TTC28: variants seen among roughly 807,000 people sequenced by gnomAD.
TTC28 encodes the protein tetratricopeptide repeat protein 28.
A neutral mutation model predicts 198.0 loss-of-function variants in TTC28; 61 were observed. The observed-to-expected ratio is 0.31, with a 90% CI of 0.25 to 0.38. The LOEUF is 0.38. TTC28 is among the 10% of genes least tolerant of loss of function. TTC28 has a pLI of 1.00. For missense variants in TTC28, 2,678 were observed against 3,164.0 expected, an observed-to-expected ratio of 0.85 and a Z score of 3.69; for synonymous variants, 1,171 against 1,297.8, an observed-to-expected ratio of 0.90 and a Z score of 2.10.
intron 12 of TTC28, among the ~76,000 whole-genome samples, chr22:28,061,075 T>A (rs1415202886): frequency 6.6e-6 from 1 of 152,208 alleles, no homozygotes; most frequent in Non-Finnish European, 1.5e-5. Flanking sequence ...TTGTTTGATT[T>A]TTTTCTTGTA....
chr22:28,291,562 T>C (rs765274458), intron 5 of TTC28, among the ~76,000 whole-genome samples: 16 of 152,218 alleles, frequency 1.1e-4, no homozygotes, highest in Non-Finnish European at 2.1e-4. Flanking sequence ...TAATGCCCAG[T>C]GTTGGCCAAG....
At chr22:28,128,221 G>C (rs1942964176) in intron 6 of TTC28, among the ~76,000 whole-genome samples, 1 of 152,082 alleles carries the variant, frequency 6.6e-6, no homozygotes, top group Non-Finnish European at 1.5e-5. Flanking sequence ...GGGAAGCTGA[G>C]GCAGGAAAAT....
intron 2 of TTC28, among the ~76,000 whole-genome samples, chr22:28,532,480 A>C (rs2049161766): frequency 6.6e-6 from 1 of 152,236 alleles, no homozygotes; most frequent in Non-Finnish European, 1.5e-5. Flanking sequence ...CCAGTGGTAC[A>C]AAGAGGAGCT....
intron 1 of TTC28, among the ~76,000 whole-genome samples, chr22:28,646,898 A>C (rs1197298688): frequency 6.6e-6 from 1 of 152,136 alleles, no homozygotes; most frequent in Non-Finnish European, 1.5e-5. Flanking sequence ...GAAAGAAATC[A>C]AATCAAAAGA....
intron 2 of TTC28, among the ~76,000 whole-genome samples, chr22:28,319,805 A>C (rs567667019): frequency 1.9e-4 from 29 of 152,354 alleles, no homozygotes; most frequent in African/African-American, 5.5e-4. Context: ...GATAGCCAGA[A>C]AGATCAAAAG....
At chr22:28,053,640 C>T (rs1022659130) in intron 12 of TTC28, among the ~76,000 whole-genome samples, 1 of 152,178 alleles carries the variant, frequency 6.6e-6, no homozygotes, top group Non-Finnish European at 1.5e-5. Context: ...CTGAACTGTA[C>T]CCTTTCCTTG....
At chr22:28,463,549 G>A (rs1049578789) in intron 2 of TTC28, among the ~76,000 whole-genome samples, 73 of 152,254 alleles carry the variant, frequency 4.8e-4, no homozygotes, top group African/African-American at 1.7e-3. Context: ...TTAAGAAAAT[G>A]TGGCATATAT....
chr22:28,283,244 A>C (rs973834085), intron 5 of TTC28, among the ~76,000 whole-genome samples: 6 of 152,086 alleles, frequency 3.9e-5, no homozygotes, highest in Non-Finnish European at 8.8e-5. Flanking sequence ...CTCTGCTAAA[A>C]TGTAATGCTT....
chr22:28,519,912 G>A (rs917319188), intron 2 of TTC28, among the ~76,000 whole-genome samples: 19 of 152,200 alleles, frequency 1.2e-4, no homozygotes, highest in Admixed American at 9.8e-4. Context: ...AGTGTTGACA[G>A]TTAAAGCAAA....
At chr22:28,433,298 T>C (rs1197265216) in intron 2 of TTC28, among the ~76,000 whole-genome samples, 1 of 152,204 alleles carries the variant, frequency 6.6e-6, no homozygotes, top group Non-Finnish European at 1.5e-5. Context: ...AGACTTTTCT[T>C]ATAAACAAAC....
chr22:28,573,464 AAAT>A (rs982905585), intron 2 of TTC28, among the ~76,000 whole-genome samples: 15 of 151,926 alleles, frequency 9.9e-5, no homozygotes, highest in East Asian at 1.9e-4. Context: ...AAAAAATAAA[AAAT>A]AATAATAATA....
At chr22:28,086,262 A>T (rs1287290939) in intron 12 of TTC28, among the ~76,000 whole-genome samples, 2 of 152,168 alleles carry the variant, frequency 1.3e-5, no homozygotes, top group Non-Finnish European at 2.9e-5. Flanking sequence ...CATACTTGGA[A>T]GTAAAGCTCT....
chr22:28,227,053 T>C (rs1272734136), intron 5 of TTC28, among the ~76,000 whole-genome samples: 1 of 152,124 alleles, frequency 6.6e-6, no homozygotes, highest in Non-Finnish European at 1.5e-5. Context: ...GGTTCTCAAG[T>C]AGCTGGGACT....
chr22:28,592,632 C>A (rs1294854631), intron 2 of TTC28, among the ~76,000 whole-genome samples: 1 of 152,186 alleles, frequency 6.6e-6, no homozygotes, highest in Admixed American at 6.5e-5. Context: ...GACGATCCTT[C>A]CATTTCAAAC....
chr22:28,075,050 C>G (rs55802118), intron 12 of TTC28, among the ~76,000 whole-genome samples: 1 of 151,864 alleles, frequency 6.6e-6, no homozygotes, highest in Non-Finnish European at 1.5e-5. Flanking sequence ...ATTGCACCAA[C>G]GCACTACAGC....
At chr22:28,581,054 G>A (rs12165884) in intron 2 of TTC28, among the ~76,000 whole-genome samples, 134 of 151,886 alleles carry the variant, frequency 8.8e-4, no homozygotes, top group African/African-American at 2.9e-3. Flanking sequence ...GTGTCTCCAC[G>A]CAAATCTCAT....
At chr22:28,493,804 A>C (rs1432588027) in intron 2 of TTC28, among the ~76,000 whole-genome samples, 1 of 152,228 alleles carries the variant, frequency 6.6e-6, no homozygotes, top group Non-Finnish European at 1.5e-5. Context: ...AGGACACCAC[A>C]ACACATTAAA....
In TTC28 at chr22:27,989,896, C is replaced by T. The variant is rs1399064641; in HGVS notation, c.5689G>A (p.Glu1897Lys). ...TGCCTACCTAGAGCTGCCAGGAACT[C>T]GTGGCATCCCGGGAGCCGCCACAGC... ...VQLWRLPGCH[E>K]FLAALGFDLC... Residue 1897 changes from glutamate (E) to lysine (K), a missense_variant, in exon 21 of 23, where the codon GAG becomes AAG. This residue lies in a region of TTC28 where 314 missense variants were observed against 442.7 expected (regional missense o/e 0.71). Transcript: ENST00000397906. 2.6e-6 allele frequency: 4 copies of T among 1,550,914 alleles called. No homozygotes were observed. Among genetic ancestry groups the T allele is most frequent in the Non-Finnish European group, 3.5e-6 (4 of 1,146,664 alleles).
At chr22:28,283,083 G>A (rs34962554) in intron 5 of TTC28, among the ~76,000 whole-genome samples, 6,329 of 151,984 alleles carry the variant, frequency 0.042, 168 homozygotes, top group African/African-American at 0.06. Context: ...TCCATTCTTC[G>A]CAAGCATTTC....
Sources: allele counts gnomAD v4.1 joint callset (sites outside exome capture counted in the v4.1 genomes callset), GRCh38; gene constraint gnomAD v4.1.1; regional missense constraint gnomAD v4.1.1; transcripts MANE v1.5; gene names NCBI Gene and HGNC (gene_info 2026-07-23, HGNC 2026-07-21).